Variants in VPS50 observed in about 807,000 individuals in gnomAD.
VPS50 encodes the protein syndetin.
Under a neutral mutation model 139.7 loss-of-function variants are expected in VPS50, and 70 were observed. The ratio of observed to expected loss-of-function variants is 0.50; its 90% CI spans 0.41 to 0.61. The LOEUF (loss-of-function observed/expected upper bound fraction) is 0.61. Among genes scored for constraint, VPS50 ranks in the 20% least tolerant of loss-of-function variants. The pLI is 0.00. For missense variants in VPS50, 921 were observed against 1,133.7 expected, an observed-to-expected ratio of 0.81 and a Z score of 2.69; for synonymous variants, 365 against 376.7, an observed-to-expected ratio of 0.97 and a Z score of 0.36.
At chr7:93,324,395 G>T (rs1797706885) in intron 21 of VPS50, among the ~76,000 whole-genome samples, 1 of 152,128 alleles carries the variant, frequency 6.6e-6, no homozygotes, top group African/African-American at 2.4e-5. Flanking sequence ...TCCAGTTTTT[G>T]CCCATTAAGT....
At chr7:93,300,743 A>G (rs986480311) in intron 16 of VPS50, among the ~76,000 whole-genome samples, 1 of 151,980 alleles carries the variant, frequency 6.6e-6, no homozygotes, top group African/African-American at 2.4e-5. Context: ...TTAACAGCTT[A>G]TCAAGTTTGG....
intron 21 of VPS50, among the ~76,000 whole-genome samples, chr7:93,325,639 T>C (rs997518320): frequency 1.3e-5 from 2 of 152,140 alleles, no homozygotes; most frequent in Admixed American, 6.5e-5. Context: ...GGGCAAAGGA[T>C]ATAAATAGAC....
At chr7:93,346,180 A>C (rs532057454) in intron 23 of VPS50, among the ~76,000 whole-genome samples, 132 of 152,352 alleles carry the variant, frequency 8.7e-4, no homozygotes, top group African/African-American at 2.7e-3. Flanking sequence ...CTTATACACC[A>C]ACAACAGACA....
chr7:93,339,257 C>T (rs1398772238), intron 22 of VPS50, among the ~76,000 whole-genome samples: 1 of 149,426 alleles, frequency 6.7e-6, no homozygotes, highest in Non-Finnish European at 1.5e-5. Flanking sequence ...AGTTATTCCC[C>T]AACTAACTTT....
At chr7:93,265,379 C>T (rs1263773403) in intron 9 of VPS50, among the ~76,000 whole-genome samples, 4 of 152,088 alleles carry the variant, frequency 2.6e-5, no homozygotes, top group Non-Finnish European at 5.9e-5. Flanking sequence ...TAGCTGTAGA[C>T]AAAAAGTAAA....
intron 20 of VPS50, among the ~76,000 whole-genome samples, chr7:93,318,294 G>T (rs1417629968): frequency 6.6e-6 from 1 of 152,018 alleles, no homozygotes; most frequent in Non-Finnish European, 1.5e-5. Context: ...GATTTGGGGG[G>T]CTGAGATATA....
chr7:93,339,196 A>G (rs569492189), intron 22 of VPS50, among the ~76,000 whole-genome samples: 1 of 151,818 alleles, frequency 6.6e-6, no homozygotes, highest in South Asian at 2.1e-4. Context: ...GAGATACGAC[A>G]TTAATTAACT....
At position 93,263,712 on chromosome 7, in the gene VPS50, C is replaced by T. The variant is rs529503749; in HGVS notation, c.659+4080C>T. Among the ~76,000 whole-genome samples the T allele has an allele frequency of 1.8e-4, 27 of 152,250 alleles. No individual in the cohort carries two copies. The South Asian group carries it at 5.4e-3, about 30-fold the overall frequency. On this transcript the variant is annotated intron_variant, in intron 9 of 27. Coordinates refer to ENST00000305866, the MANE Select transcript of VPS50 (RefSeq NM_017667.4). ...TTGCTTCTGCATAAAGAAATACTGACTCTATATCTTGTAAGTCTCAGATTA... is the reference window on the plus strand; with the variant it reads ...TTGCTTCTGCATAAAGAAATACTGATTCTATATCTTGTAAGTCTCAGATTA...
intron 26 of VPS50, 62 bp from the exon 27 acceptor site, chr7:93,355,829 C>T: frequency 2.0e-6 from 2 of 983,608 alleles, no homozygotes; most frequent in South Asian, 2.0e-5. Flanking sequence ...CTTCAAATAC[C>T]TGACAGTTTT....
chr7:93,289,738 T>G (rs1332467634), intron 12 of VPS50, among the ~76,000 whole-genome samples: 1 of 152,066 alleles, frequency 6.6e-6, no homozygotes, highest in East Asian at 1.9e-4. Flanking sequence ...AACTATACAA[T>G]TTTCCCAAAA....
chr7:93,308,526 C>T (rs748620731), intron 18 of VPS50, among the ~76,000 whole-genome samples: 3 of 151,496 alleles, frequency 2.0e-5, no homozygotes, highest in Admixed American at 1.3e-4. Context: ...AAAAAAAATG[C>T]GAATGTATAC....
chr7:93,319,007 G>A (rs1002932975), intron 20 of VPS50, among the ~76,000 whole-genome samples: 4 of 151,890 alleles, frequency 2.6e-5, no homozygotes, highest in African/African-American at 7.3e-5. Context: ...CACAAGGTAC[G>A]GCCCATTCCC....
At chr7:93,236,201 A>G (rs1794795504) in intron 1 of VPS50, among the ~76,000 whole-genome samples, 1 of 152,182 alleles carries the variant, frequency 6.6e-6, no homozygotes. Context: ...GTAAGGTGAG[A>G]GTGAGAATGA....
At chr7:93,236,775 A>G (rs1248094756) in intron 1 of VPS50, among the ~76,000 whole-genome samples, 1 of 152,130 alleles carries the variant, frequency 6.6e-6, no homozygotes, top group Admixed American at 6.5e-5. Flanking sequence ...TGAATGTCAG[A>G]TGTGCTTTGA....
intron 11 of VPS50, chr7:93,273,336 A>G (rs1796064808): frequency 6.6e-6 from 1 of 152,050 alleles, no homozygotes; most frequent in Non-Finnish European, 1.5e-5. Flanking sequence ...TTTTGTTTGT[A>G]TAGGATTATA....
Position 93,271,124 on chromosome 7 carries a change from T to G in VPS50, c.660-96T>G, listed in dbSNP as rs187415569. On this transcript the variant is annotated intron_variant, in intron 9 of 27. Coordinates refer to ENST00000305866, the MANE Select transcript of VPS50 (RefSeq NM_017667.4). Reference sequence around the variant, plus strand: ...GTCTTACGATCTATACTCTTAATCTTTGAATTTATGGATTAATTATTCAGT... The same window carrying G: ...GTCTTACGATCTATACTCTTAATCTGTGAATTTATGGATTAATTATTCAGT... The G allele has an allele frequency of 4.0e-6, 6 of 1,483,036 alleles. No individual in the cohort carries two copies. The Admixed American group carries it at 1.1e-4, about 26-fold the overall frequency. 91.9% of individuals were successfully genotyped at this position (1,483,036 alleles called of 1,614,324 possible). A position where few individuals can be genotyped will look rare whatever the true frequency, so the allele number is the denominator to read the frequency against.
intron 20 of VPS50, 30 bp from the exon 21 acceptor site, chr7:93,323,581 G>A (rs1053984482): frequency 3.0e-6 from 3 of 1,002,552 alleles, no homozygotes; most frequent in Non-Finnish European, 1.4e-6. Flanking sequence ...ATTTTGTTCT[G>A]CTTAATTTTT....
chr7:93,325,050 A>G (rs964023037), intron 21 of VPS50, among the ~76,000 whole-genome samples: 4 of 152,084 alleles, frequency 2.6e-5, no homozygotes, highest in Admixed American at 2.0e-4. Context: ...AAACTATACT[A>G]CAAGGCTACA....
chr7:93,311,022 GAAGTT>G (rs1260147272), intron 19 of VPS50, 139 bp from the exon 20 acceptor site: 24 of 580,468 alleles, frequency 4.1e-5, no homozygotes, highest in Non-Finnish European at 6.1e-5. Flanking sequence ...AATTTTATAA[GAAGTT>G]AATTTCTATA....
Sources: gnomAD v4.1 joint callset for allele counts (sites outside exome capture counted in the v4.1 genomes callset) on GRCh38, gnomAD v4.1.1 for gene constraint, MANE v1.5 for transcripts, NCBI Gene and HGNC (gene_info 2026-07-23, HGNC 2026-07-21) for gene names.